CBR4: variants seen among roughly 807,000 people sequenced by gnomAD.
The protein encoded by CBR4 is carbonyl reductase 4.
CBR4 carries 22 observed loss-of-function variants against 21.0 expected under a neutral mutation model. That is an observed-to-expected ratio of 1.05 (90% confidence interval 0.75 to 1.50). The LOEUF (loss-of-function observed/expected upper bound fraction) is 1.50. Ranked by LOEUF, CBR4 falls within the 40% of genes most tolerant of loss-of-function variation. CBR4 has a pLI of 0.00. For missense variants in CBR4, 302 were observed against 286.3 expected, an observed-to-expected ratio of 1.05 and a Z score of -0.40; for synonymous variants, 100 against 104.4, an observed-to-expected ratio of 0.96 and a Z score of 0.26.
intron 2 of CBR4, among the ~76,000 whole-genome samples, chr4:168,904,819 C>T (rs939907215): frequency 1.3e-5 from 2 of 152,090 alleles, no homozygotes; most frequent in Admixed American, 6.6e-5. Context: ...TTTAATGACA[C>T]TACAAACTTT....
intron 2 of CBR4, among the ~76,000 whole-genome samples, chr4:168,967,298 T>C (rs990225662): frequency 6.6e-6 from 1 of 151,588 alleles, no homozygotes; most frequent in Non-Finnish European, 1.5e-5. Flanking sequence ...TAGGTGGGAG[T>C]TGAACAATGA....
At chr4:169,008,205 T>G (rs775418420) in intron 1 of CBR4, among the ~76,000 whole-genome samples, 4 of 152,156 alleles carry the variant, frequency 2.6e-5, no homozygotes, top group Non-Finnish European at 5.9e-5. Flanking sequence ...TCTTTTTAAG[T>G]GCTACGGATG....
At chr4:168,998,753 C>T (rs1181819505) in intron 4 of CBR4, among the ~76,000 whole-genome samples, 1 of 152,092 alleles carries the variant, frequency 6.6e-6, no homozygotes, top group African/African-American at 2.4e-5. Context: ...AACACAGAAA[C>T]ATCACCAAGG....
At chr4:168,943,318 C>T (rs1763312661) in intron 2 of CBR4, among the ~76,000 whole-genome samples, 1 of 152,140 alleles carries the variant, frequency 6.6e-6, no homozygotes, top group South Asian at 2.1e-4. Flanking sequence ...AGCTCATACA[C>T]CCAGTACATC....
Position 168,950,541 on chromosome 4 carries a change from T to G in CBR4, n.169+51530A>C, listed in dbSNP as rs111377482. 5.5e-3 allele frequency among the ~76,000 whole-genome samples: 834 copies of G among 152,316 alleles called. 8 individuals carry two copies. Among genetic ancestry groups the G allele is most frequent in the African/African-American group, 0.019 (778 of 41,568 alleles). ...ATGGTCTATCTTGGAGAAAATTCCA[T>G]GCACTGCTGAATGGAAAGTGTCTCC... On this transcript the variant is annotated intron_variant and non_coding_transcript_variant, in intron 2 of 3. Transcript: ENST00000509108.
intron 4 of CBR4, among the ~76,000 whole-genome samples, chr4:168,995,716 C>A (rs1323483336): frequency 2.6e-5 from 4 of 152,086 alleles, no homozygotes; most frequent in African/African-American, 9.7e-5. Context: ...TTACAAACTA[C>A]CAGTAGGTGC....
Position 168,987,597 on chromosome 4 carries a change from T to C in CBR4, c.*2553A>G. The C allele has an allele frequency of 1.1e-6, 1 of 900,554 alleles. No homozygotes were observed. The highest frequency in any genetic ancestry group is 1.3e-6 in the Non-Finnish European group (1 of 752,682). The allele number at this position is 900,554 out of a possible 1,614,324, so 55.8% of individuals were successfully genotyped here. On this transcript the variant is annotated 3_prime_UTR_variant, in exon 5 of 5. Transcript: ENST00000306193. ...AAAATTAACATCAGAAAGTTTAAAA[T>C]CATTAAATACTTTATTTAAGAACAG... is the stretch of plus-strand genomic sequence containing the variant.
chr4:168,936,923 G>A (rs982760157), intron 2 of CBR4, among the ~76,000 whole-genome samples: 5 of 152,094 alleles, frequency 3.3e-5, no homozygotes, highest in Admixed American at 6.5e-5. Context: ...TCAAATTCAG[G>A]AAATACAGAG....
At chr4:168,996,878 T>C (rs145365589) in intron 4 of CBR4, among the ~76,000 whole-genome samples, 2 of 152,168 alleles carry the variant, frequency 1.3e-5, no homozygotes, top group African/African-American at 2.4e-5. Flanking sequence ...CATTTATAAA[T>C]ATATTCACAA....
intron 2 of CBR4, chr4:168,896,543 T>C: frequency 6.8e-7 from 1 of 1,466,558 alleles, no homozygotes. Flanking sequence ...TTTTCTACCA[T>C]TACAGGACAT....
At chr4:168,983,028 A>C (rs1036138958), downstream of CBR4, among the ~76,000 whole-genome samples, 1 of 152,174 alleles carries the variant, frequency 6.6e-6, no homozygotes, top group Admixed American at 6.5e-5. Flanking sequence ...AAACAAGAAC[A>C]AACCAACTCC....
intron 2 of CBR4, 61 bp from the exon 3 acceptor site, chr4:169,006,952 G>C: frequency 7.4e-7 from 1 of 1,351,436 alleles, no homozygotes; most frequent in Non-Finnish European, 1.0e-6. Flanking sequence ...AAAAGGTCAA[G>C]ACTAATGTAA....
Position 168,990,126 on chromosome 4 carries a change from C to A in CBR4, c.*24G>T. 1 of 1,579,160 alleles carries A rather than the reference C, an allele frequency of 6.3e-7. No homozygotes were observed. Among genetic ancestry groups the A allele is most frequent in the Non-Finnish European group, 8.6e-7 (1 of 1,162,122 alleles). ...AAAGTGTGCCCTTGATGCTAATCAC[C>A]CCTATAACTGAATAATCTGCAAATT... On this transcript the variant is annotated 3_prime_UTR_variant, in exon 5 of 5. Transcript: ENST00000306193.
intron 2 of CBR4, among the ~76,000 whole-genome samples, chr4:168,943,496 G>T (rs1248229051): frequency 6.6e-6 from 1 of 152,320 alleles, no homozygotes; most frequent in Non-Finnish European, 1.5e-5. Flanking sequence ...TTGGTAAGTT[G>T]AGCAGAGCTC....
chr4:168,972,034 T>C (rs1764227439), intron 2 of CBR4, among the ~76,000 whole-genome samples: 1 of 152,214 alleles, frequency 6.6e-6, no homozygotes, highest in Non-Finnish European at 1.5e-5. Flanking sequence ...GCACCATTTG[T>C]TGAATAGGGT....
At chr4:169,008,149 T>C (rs1463732275) in intron 1 of CBR4, among the ~76,000 whole-genome samples, 1 of 152,194 alleles carries the variant, frequency 6.6e-6, no homozygotes, top group African/African-American at 2.4e-5. Flanking sequence ...GTCAGGTTTT[T>C]GTTGAATTAG....
intron 2 of CBR4, among the ~76,000 whole-genome samples, chr4:168,943,268 GA>G (rs1763311488): frequency 6.6e-6 from 1 of 152,150 alleles, no homozygotes; most frequent in African/African-American, 2.4e-5. Flanking sequence ...CAAGCTTCCT[GA>G]GACCTCTGCA....
intron 2 of CBR4, among the ~76,000 whole-genome samples, chr4:168,936,938 C>G (rs1406167720): frequency 6.6e-6 from 1 of 152,122 alleles, no homozygotes; most frequent in African/African-American, 2.4e-5. Flanking sequence ...ACAGAGAAAA[C>G]AAAGATACTC....
chr4:168,945,110 C>G (rs1488387856), intron 2 of CBR4, among the ~76,000 whole-genome samples: 1 of 152,076 alleles, frequency 6.6e-6, no homozygotes, highest in Non-Finnish European at 1.5e-5. Flanking sequence ...CAAGTGTGAC[C>G]CCCAGTCTAT....
Sources: allele counts gnomAD v4.1 joint callset (sites outside exome capture counted in the v4.1 genomes callset), GRCh38; gene constraint gnomAD v4.1.1; transcripts MANE v1.5; gene names NCBI Gene and HGNC (gene_info 2026-07-23, HGNC 2026-07-21).